Variants in CELSR3 observed in about 807,000 individuals in gnomAD.
CELSR3 encodes cadherin EGF LAG seven-pass G-type receptor 3.
CELSR3 carries 73 observed loss-of-function variants against 270.0 expected under a neutral mutation model. The observed-to-expected ratio is 0.27, with a 90% CI of 0.22 to 0.33. The LOEUF (loss-of-function observed/expected upper bound fraction) is 0.33. CELSR3 is among the 10% of genes least tolerant of loss of function. The probability of loss-of-function intolerance (pLI) is 1.00; values close to 1 mark genes in which losing one functional copy is unlikely to be tolerated. For missense variants in CELSR3, 3,614 were observed against 4,533.8 expected (o/e 0.80, Z 5.83); for synonymous variants, 1,780 against 1,905.4 (o/e 0.93, Z 1.71).
At position 48,650,126 on chromosome 3, in the gene CELSR3, C is replaced by T. The variant is rs112229252; in HGVS notation, c.6472+354G>A. 5 of 458,890 alleles carry T rather than the reference C, an allele frequency of 1.1e-5. 1 individual carries two copies. Among genetic ancestry groups the T allele is most frequent in the African/African-American group, 9.9e-5 (5 of 50,304 alleles). The allele number at this position is 458,890 out of a possible 1,614,324, so 28.4% of individuals were successfully genotyped here. A position where few individuals can be genotyped will look rare whatever the true frequency, so the allele number is the denominator to read the frequency against. ...GAGGATCTCAGGCATCAGAGAAGGG[C>T]CCCTGGGGTACTCAGATAGCCAGAA... On this transcript the variant is annotated intron_variant, in intron 16 of 34. Coordinates refer to ENST00000164024, the MANE Select transcript of CELSR3 (RefSeq NM_001407.3). The surrounding 1 kb of genome is among the most constrained non-coding windows in gnomAD (Gnocchi z 5.1).
At chr3:48,649,637 A>G (rs1484662829) in intron 16 of CELSR3, among the ~76,000 whole-genome samples, 1 of 152,196 alleles carries the variant, frequency 6.6e-6, no homozygotes, top group East Asian at 1.9e-4. Context: ...AGGAACATCC[A>G]GTGAAAGTCA....
At position 48,662,487 on chromosome 3, in the gene CELSR3, T is replaced by C. The variant is rs1351409697; in HGVS notation, c.148A>G (p.Thr50Ala). 4 of 1,612,570 alleles carry C rather than the reference T, an allele frequency of 2.5e-6. No homozygotes were observed. Among genetic ancestry groups the C allele is most frequent in the Non-Finnish European group, 3.4e-6 (4 of 1,179,812 alleles). Residue 50 changes from threonine (T) to alanine (A), a missense_variant, in exon 1 of 35, where the codon ACG becomes GCG. Physicochemically the swap from Thr to Ala is moderately conservative, Grantham distance 58. This residue lies in a region of CELSR3 where 470 missense variants were observed against 469.7 expected (regional missense o/e 1.00). Coordinates refer to ENST00000164024, the MANE Select transcript of CELSR3 (RefSeq NM_001407.3). The surrounding 1 kb of genome is among the most constrained non-coding windows in gnomAD (Gnocchi z 7.1). Reference protein sequence around the residue: ...QGWDPGLAATTGPRAHIGGGA... With the variant: ...QGWDPGLAATAGPRAHIGGGA... ...CCACCGATATGCGCCCTTGGCCCCG[T>C]AGTGGCAGCTAAGCCTGGGTCCCAG...
In CELSR3 at chr3:48,650,746, G is replaced by C. The variant is rs2047129988; in HGVS notation, c.6370+146C>G. 2.2e-5 allele frequency: 24 copies of C among 1,068,720 alleles called. No homozygotes were observed. The highest frequency in any genetic ancestry group is 2.6e-5 in the East Asian group (1 of 38,906). 66.2% of individuals were successfully genotyped at this position (1,068,720 alleles called of 1,614,324 possible). On this transcript the variant is annotated intron_variant, in intron 15 of 34. Transcript: ENST00000164024. This position sits in a 1 kb window ranked among gnomAD's most constrained non-coding sequence, Gnocchi z 5.1. ...CTGTGACAGGTCAGCAAAGTACTTG[G>C]GGCAAAGGTAGGGTTCCCTGGGTGT...
At position 48,640,045 on chromosome 3, in the gene CELSR3, G is replaced by C. The variant is rs201599804; in HGVS notation, c.9540C>G (p.Leu3180=). ...GGGATGGCAAGAGGGGGTCCCTTGA[G>C]AGTTGCCGCTGGGGAGACAGGGGCA... is the stretch of plus-strand genomic sequence containing the variant. ...PPLPLSPQRQ[L]SRDPLLPSRP... Residue 3180 remains leucine, a synonymous_variant, in exon 34 of 35, where the codon CTC becomes CTG. Coordinates refer to ENST00000164024, the MANE Select transcript of CELSR3 (RefSeq NM_001407.3). The surrounding 1 kb of genome is among the most constrained non-coding windows in gnomAD (Gnocchi z 7.5). 6.2e-7 allele frequency: 1 copy of C among 1,611,082 alleles called. No homozygotes were observed. Among genetic ancestry groups the C allele is most frequent in the East Asian group, 2.2e-5 (1 of 44,868 alleles).
At position 48,653,047 on chromosome 3, in the gene CELSR3, C is replaced by T. The variant is rs778953584; in HGVS notation, c.5589G>A (p.Arg1863=). ...GTGAGACCATAAGGACATGGTGGCC[C>T]CGCCGGCCACCTGGTTCCTCCTGCA... ...LELQEEPGGR[R]GHHVLMVSLD... Residue 1863 remains arginine, a synonymous_variant, in exon 10 of 35, where the codon CGG becomes CGA. Transcript: ENST00000164024. This position sits in a 1 kb window ranked among gnomAD's most constrained non-coding sequence, Gnocchi z 6.5. 1.5e-5 allele frequency: 24 copies of T among 1,613,118 alleles called. No individual in the cohort carries two copies. Among genetic ancestry groups the T allele is most frequent in the Non-Finnish European group, 1.9e-5 (23 of 1,179,974 alleles).
At chr3:48,656,442 C>G (rs1039399375) in intron 2 of CELSR3, 77 bp from the exon 3 acceptor site, 2 of 1,315,766 alleles carry the variant, frequency 1.5e-6, no homozygotes, top group Non-Finnish European at 2.0e-6. Context: ...ACCGCGCGCC[C>G]AGAGGCCGGG....
At position 48,661,918 on chromosome 3, in the gene CELSR3, C is replaced by G. The variant is rs746297818; in HGVS notation, c.717G>C (p.Ser239=). Residue 239 remains serine, a synonymous_variant, in exon 1 of 35, where the codon TCG becomes TCC. Coordinates refer to ENST00000164024, the MANE Select transcript of CELSR3 (RefSeq NM_001407.3). Reference sequence around the variant, plus strand: ...CTGAATCCAGCTCGGGGCCAGATCCCGAGGCCCCTGGAAGACAGTTCCGCC... The same window carrying G: ...CTGAATCCAGCTCGGGGCCAGATCCGGAGGCCCCTGGAAGACAGTTCCGCC... ...APRRNCLPGA[S]GSGPELDSAP... The G allele has an allele frequency of 1.9e-6, 3 of 1,612,736 alleles. No homozygotes were observed. The South Asian group carries it at 3.3e-5, about 18-fold the overall frequency.
Position 48,651,098 on chromosome 3 carries a change from C to T in CELSR3, c.6187-23G>A. The T allele has an allele frequency of 6.5e-7, 1 of 1,541,720 alleles. No individual in the cohort carries two copies. Among genetic ancestry groups the T allele is most frequent in the Admixed American group, 2.0e-5 (1 of 50,366 alleles). The stretch of plus-strand genomic sequence containing the variant: ...CTCCTGTTTGAGGATGGGCCAGGGG[C>T]CTGAAGTCAGAGGTCAGGGCTTGGG... On this transcript the variant is annotated intron_variant, in intron 14 of 34. Transcript: ENST00000164024. This position sits in a 1 kb window ranked among gnomAD's most constrained non-coding sequence, Gnocchi z 7.4.
intron 28 of CELSR3, chr3:48,643,285 G>A (rs908457251): frequency 8.2e-5 from 51 of 624,546 alleles, no homozygotes; most frequent in Non-Finnish European, 1.4e-4. Flanking sequence ...TGTAAGGTCG[G>A]TGTGGATCAG....
chr3:48,642,713 C>T lies in CELSR3; in HGVS notation c.8555+23G>A, dbSNP rs374109684. On this transcript the variant is annotated intron_variant, in intron 30 of 34. Coordinates refer to ENST00000164024, the MANE Select transcript of CELSR3 (RefSeq NM_001407.3). This position sits in a 1 kb window ranked among gnomAD's most constrained non-coding sequence, Gnocchi z 6.1. ...GGCTGGACTAAGCTGAGTGTTCCCT[C>T]ACAAGGAGGCTCTTCCTCTCACCTG... The T allele has an allele frequency of 4.8e-5, 77 of 1,603,048 alleles. No individual in the cohort carries two copies. Among genetic ancestry groups the T allele is most frequent in the Non-Finnish European group, 5.9e-5 (69 of 1,177,610 alleles).
At position 48,645,993 on chromosome 3, in the gene CELSR3, C is replaced by T. The variant is rs2047079674; in HGVS notation, c.7463+97G>A. The T allele has an allele frequency of 6.3e-7, 1 of 1,579,756 alleles. No homozygotes were observed. The highest frequency in any genetic ancestry group is 8.6e-7 in the Non-Finnish European group (1 of 1,158,488). On this transcript the variant is annotated intron_variant, in intron 22 of 34. Transcript: ENST00000164024. The surrounding 1 kb of genome is among the most constrained non-coding windows in gnomAD (Gnocchi z 5.4). Reference sequence around the variant, plus strand: ...AGCATTCCTCATGGTCCGGGTTGCACAACAGCACTAGTGGGGGCCCCAGGG... The same window carrying T: ...AGCATTCCTCATGGTCCGGGTTGCATAACAGCACTAGTGGGGGCCCCAGGG...
Position 48,650,524 on chromosome 3 carries a change from T to C in CELSR3, c.6428A>G (p.Lys2143Arg). 1 of 1,558,624 alleles carries C rather than the reference T, an allele frequency of 6.4e-7. No individual in the cohort carries two copies. The highest frequency in any genetic ancestry group is 8.7e-7 in the Non-Finnish European group (1 of 1,152,506). ...LRSGVWWPQT[K>R]FGVLATVPCP... is the part of the protein sequence containing the mutation. ...GGGCACTGTGGCCAGGACGCCAAAC[T>C]TTGTCTGGGGCCACCACACACCAGA... Residue 2143 changes from lysine (K) to arginine (R), a missense_variant, in exon 16 of 35, where the codon AAG (lysine) becomes AGG (arginine). Coordinates refer to ENST00000164024, the MANE Select transcript of CELSR3 (RefSeq NM_001407.3). The surrounding 1 kb of genome is among the most constrained non-coding windows in gnomAD (Gnocchi z 5.1).
In CELSR3 at chr3:48,651,855, C is replaced by A; in HGVS notation, c.5923+22G>T. 6.3e-7 allele frequency: 1 copy of A among 1,597,980 alleles called. No homozygotes were observed. The highest frequency in any genetic ancestry group is 8.5e-7 in the Non-Finnish European group (1 of 1,173,236). ...CTAACGCCTGCCCAGGTCACCCTTCCCCCAACCCTCTCAAGGCTCACCTGG... is the reference window on the plus strand; with the variant it reads ...CTAACGCCTGCCCAGGTCACCCTTCACCCAACCCTCTCAAGGCTCACCTGG... On this transcript the variant is annotated intron_variant, in intron 12 of 34. Transcript: ENST00000164024. This position sits in a 1 kb window ranked among gnomAD's most constrained non-coding sequence, Gnocchi z 7.4.
chr3:48,656,461 C>T, intron 2 of CELSR3, 96 bp from the exon 3 acceptor site: 4 of 1,233,070 alleles, frequency 3.2e-6, no homozygotes, highest in Non-Finnish European at 4.2e-6. Flanking sequence ...GGTGCCAAGA[C>T]CCCCGAAAGG....
At chr3:48,647,702 G>A in intron 20 of CELSR3, 139 bp downstream of exon 20, 1 of 766,568 alleles carries the variant, frequency 1.3e-6, no homozygotes, top group Non-Finnish European at 2.1e-6. Flanking sequence ...AATATGGGAG[G>A]GAGGGTGGAG....
In CELSR3 at chr3:48,654,496, G is replaced by A. The variant is rs552560682; in HGVS notation, c.4989-44C>T. 42 of 1,515,916 alleles carry A rather than the reference G, an allele frequency of 2.8e-5. No individual in the cohort carries two copies. In the East Asian group the frequency reaches 9.1e-4, roughly 33 times the overall value. 93.9% of individuals were successfully genotyped at this position (1,515,916 alleles called of 1,614,324 possible). On this transcript the variant is annotated intron_variant, in intron 6 of 34. Coordinates refer to ENST00000164024, the MANE Select transcript of CELSR3 (RefSeq NM_001407.3). The surrounding 1 kb of genome is among the most constrained non-coding windows in gnomAD (Gnocchi z 5.4). ...GGTCATTGGTGGGACTGGGGCCAGAGTAGAGTTGCTCCTGGGGGGCCACAG... is the reference window on the plus strand; with the variant it reads ...GGTCATTGGTGGGACTGGGGCCAGAATAGAGTTGCTCCTGGGGGGCCACAG...
At chr3:48,648,495 G>C in intron 18 of CELSR3, 34 bp from the exon 19 acceptor site, 2 of 1,497,938 alleles carry the variant, frequency 1.3e-6, no homozygotes, top group Non-Finnish European at 1.8e-6. Flanking sequence ...GGTTCAGCCA[G>C]GTGGTGAGGA....
rs562069660 is a variant in CELSR3 at position 48,642,577 on chromosome 3, G to T, written c.8556-110C>A. On this transcript the variant is annotated intron_variant, in intron 30 of 34. Coordinates refer to ENST00000164024, the MANE Select transcript of CELSR3 (RefSeq NM_001407.3). This position sits in a 1 kb window ranked among gnomAD's most constrained non-coding sequence, Gnocchi z 6.1. The stretch of plus-strand genomic sequence containing the variant: ...GCTGCGGGTGGAATGGCATCCCTGG[G>T]TGTGTGTGGTGGGAAGCATTTAGGG... 48 of 1,424,064 alleles carry T rather than the reference G, an allele frequency of 3.4e-5. No individual in the cohort carries two copies. In the Admixed American group the frequency reaches 7.4e-4, roughly 22 times the overall value. The allele number at this position is 1,424,064 out of a possible 1,614,324, so 88.2% of individuals were successfully genotyped here. A position where few individuals can be genotyped will look rare whatever the true frequency, so the allele number is the denominator to read the frequency against.
Position 48,642,913 on chromosome 3 carries a change from T to C in CELSR3, c.8407-29A>G, listed in dbSNP as rs2106699717. 6.2e-7 allele frequency: 1 copy of C among 1,611,728 alleles called. No homozygotes were observed. The highest frequency in any genetic ancestry group is 8.5e-7 in the Non-Finnish European group (1 of 1,179,028). On this transcript the variant is annotated intron_variant, in intron 29 of 34. Transcript: ENST00000164024. The surrounding 1 kb of genome is among the most constrained non-coding windows in gnomAD (Gnocchi z 6.1). ...GGGGTGGTAGGGACAGAGTGTGAGC[T>C]AACCCTGAAGCAGCCTAAAACTCTG... is the stretch of plus-strand genomic sequence containing the variant.
Sources: gnomAD v4.1 joint callset for allele counts (sites outside exome capture counted in the v4.1 genomes callset) on GRCh38, gnomAD v4.1.1 for gene constraint, gnomAD v4.1.1 regional missense constraint, Gnocchi (gnomAD v3.1) non-coding constraint, MANE v1.5 for transcripts, NCBI Gene and HGNC (gene_info 2026-07-23, HGNC 2026-07-21) for gene names.